Variants in OTUB2 observed in about 807,000 individuals in gnomAD.
The protein encoded by OTUB2 is OTU deubiquitinase, ubiquitin aldehyde binding 2.
Under a neutral mutation model 25.1 loss-of-function variants are expected in OTUB2, and 21 were observed. That is an observed-to-expected ratio of 0.84 (90% CI 0.59 to 1.21). OTUB2 has a LOEUF of 1.21. Among genes scored for constraint, OTUB2 ranks in the 50% most tolerant of loss-of-function variants. The pLI, the probability that OTUB2 is intolerant of heterozygous loss-of-function variation, is 0.00. For synonymous variants in OTUB2, 122 were observed against 122.8 expected (o/e 0.99, Z 0.04); for missense variants, 283 against 298.0 (o/e 0.95, Z 0.37).
rs373771618 is a variant in OTUB2 at position 94,044,573 on chromosome 14, C to T, written c.304-13C>T. On this transcript the variant is annotated splice_polypyrimidine_tract_variant and intron_variant, in intron 4 of 5. Transcript: ENST00000203664. ...TTGCTTGGCCTCCCTAGCTGAGGGC[C>T]GGGCGGGCGCAGTTTTACAGTGTGG... is the stretch of plus-strand genomic sequence containing the variant. 45 of 1,597,744 alleles carry T rather than the reference C, an allele frequency of 2.8e-5. No individual in the cohort carries two copies. The South Asian group carries it at 2.9e-4, about 10-fold the overall frequency.
rs773553255 is a variant in OTUB2, at chr14:94,045,735, C to A, written c.518C>A (p.Thr173Lys). The change falls in exon 6 of 6, where the codon ACG (threonine) becomes AAG (lysine). Residue 173 changes from threonine (T) to lysine (K), a missense_variant. Thr to Lys is a moderately conservative substitution (Grantham distance 78). Coordinates refer to ENST00000203664, the MANE Select transcript of OTUB2 (RefSeq NM_023112.4). Reference sequence around the variant, plus strand: ...CTGCAGGAAGTAGAGCCCATGGCCACGGAGTGTGACCACATCCAGATCACG... The same window carrying A: ...CTGCAGGAAGTAGAGCCCATGGCCAAGGAGTGTGACCACATCCAGATCACG... ...FCTHEVEPMATECDHIQITAL... is the reference protein window; with the variant it reads ...FCTHEVEPMAKECDHIQITAL... 2 of 1,614,062 alleles carry A rather than the reference C, an allele frequency of 1.2e-6. No individual in the cohort carries two copies. The highest frequency in any genetic ancestry group is 1.7e-6 in the Non-Finnish European group (2 of 1,180,042).
chr14:94,031,468 G>A (rs1050632163), intron 1 of OTUB2, among the ~76,000 whole-genome samples: 1 of 152,086 alleles, frequency 6.6e-6, no homozygotes, highest in Non-Finnish European at 1.5e-5. Flanking sequence ...GTGGGGACTC[G>A]TACTTTCCCT....
At chr14:94,038,409 G>A (rs992037309) in intron 2 of OTUB2, among the ~76,000 whole-genome samples, 2 of 152,220 alleles carry the variant, frequency 1.3e-5, no homozygotes, top group African/African-American at 4.8e-5. Context: ...CATGGCTATG[G>A]GGGGAACAGG....
intron 3 of OTUB2, among the ~76,000 whole-genome samples, chr14:94,042,484 G>A (rs1425963780): frequency 1.3e-5 from 2 of 148,406 alleles, no homozygotes; most frequent in Non-Finnish European, 3.0e-5. Flanking sequence ...ATGAGGCAGA[G>A]GTTTGGGGGT....
chr14:94,029,658 G>A (rs536313384), intron 1 of OTUB2, among the ~76,000 whole-genome samples: 1 of 152,306 alleles, frequency 6.6e-6, no homozygotes, highest in South Asian at 2.1e-4. Flanking sequence ...AGGTACCAAG[G>A]ATTAGGTATT....
In OTUB2 at chr14:94,044,066, C is replaced by G. The variant is rs1405514564; in HGVS notation, c.303+11C>G. On this transcript the variant is annotated intron_variant, in intron 4 of 5. Transcript: ENST00000203664. ...AACTTCTTCAATGCTGTGAGTTCAC[C>G]TGGTCCCTCCTTCCACACTGGCAGA... The G allele has an allele frequency of 1.2e-6, 2 of 1,611,756 alleles. No homozygotes were observed. The highest frequency in any genetic ancestry group is 2.7e-5 in the African/African-American group (2 of 74,902).
chr14:94,043,182 G>A (rs759040084), intron 3 of OTUB2, among the ~76,000 whole-genome samples: 3 of 152,234 alleles, frequency 2.0e-5, no homozygotes, highest in Non-Finnish European at 2.9e-5. Flanking sequence ...AGGTGGCCCA[G>A]GCCTCTGTAT....
intron 3 of OTUB2, 97 bp from the exon 4 acceptor site, chr14:94,043,874 T>C (rs1326746346): frequency 9.2e-7 from 1 of 1,084,448 alleles, no homozygotes; most frequent in Non-Finnish European, 1.4e-6. Context: ...AGAGATGAGG[T>C]TGGTGGGCGC....
chr14:94,038,966 C>G lies in OTUB2; in HGVS notation c.103C>G (p.Leu35Val), dbSNP rs777395803. ...NRIYRRKIEE[L>V]SKRFTAIRKT... ...CATTTCTTTCTGTCCCCCTCAGGAA[C>G]TCAGCAAAAGGTTCACCGCCATCCG... is the stretch of plus-strand genomic sequence containing the variant. Residue 35 changes from leucine to valine, a missense_variant, in exon 3 of 6, where the codon CTC becomes GTC. Coordinates refer to ENST00000203664, the MANE Select transcript of OTUB2 (RefSeq NM_023112.4). 7.4e-6 allele frequency: 12 copies of G among 1,614,126 alleles called. 1 individual carries two copies. In the South Asian group the frequency reaches 1.2e-4, roughly 16 times the overall value.
intron 2 of OTUB2, among the ~76,000 whole-genome samples, chr14:94,038,168 A>G (rs1885091972): frequency 6.6e-6 from 1 of 152,246 alleles, no homozygotes; most frequent in South Asian, 2.1e-4. Context: ...AGAGACTCTG[A>G]TAGGTCCAGC....
chr14:94,037,187 G>T (rs1221482675), intron 1 of OTUB2, among the ~76,000 whole-genome samples, 193 bp from the exon 2 acceptor site: 1 of 152,166 alleles, frequency 6.6e-6, no homozygotes, highest in Non-Finnish European at 1.5e-5. Context: ...CCCCGACCCT[G>T]ACTATCCCTG....
At chr14:94,042,172 G>A (rs112301972) in intron 3 of OTUB2, among the ~76,000 whole-genome samples, 28 of 152,350 alleles carry the variant, frequency 1.8e-4, no homozygotes, top group African/African-American at 6.5e-4. Context: ...AACACGCGCC[G>A]CCTCTGAGGG....
At chr14:94,039,776 G>T (rs184701973) in intron 3 of OTUB2, among the ~76,000 whole-genome samples, 1 of 152,296 alleles carries the variant, frequency 6.6e-6, no homozygotes, top group African/African-American at 2.4e-5. Context: ...GGAGCTAAGA[G>T]ACCCACCTGG....
rs1173837019 is a variant in OTUB2, at chr14:94,046,084, G to A, written c.*162G>A. On this transcript the variant is annotated 3_prime_UTR_variant, in exon 6 of 6. Transcript: ENST00000203664. Reference sequence around the variant, plus strand: ...ACGAGGCCTATCCACTATGGACTATGGTAACTTGGTAGGATTTTTAGTATT... The same window carrying A: ...ACGAGGCCTATCCACTATGGACTATAGTAACTTGGTAGGATTTTTAGTATT... 8.4e-6 allele frequency: 6 copies of A among 714,712 alleles called. No homozygotes were observed. The East Asian group carries it at 1.4e-4, about 16-fold the overall frequency. The allele number at this position is 714,712 out of a possible 1,614,324, so 44.3% of individuals were successfully genotyped here. A position where few individuals can be genotyped will look rare whatever the true frequency, so the allele number is the denominator to read the frequency against.
chr14:94,042,131 C>A (rs996253015), intron 3 of OTUB2, among the ~76,000 whole-genome samples: 1 of 152,252 alleles, frequency 6.6e-6, no homozygotes, highest in East Asian at 1.9e-4. Flanking sequence ...TAGAAGTATG[C>A]GAAGTACTTG....
At chr14:94,033,075 C>T (rs1281702330) in intron 1 of OTUB2, among the ~76,000 whole-genome samples, 2 of 152,156 alleles carry the variant, frequency 1.3e-5, no homozygotes, top group East Asian at 1.9e-4. Context: ...CCACACCCGG[C>T]TCATTTTTGT....
At chr14:94,027,066 C>T (rs1348057951) in intron 1 of OTUB2, among the ~76,000 whole-genome samples, 1 of 152,230 alleles carries the variant, frequency 6.6e-6, no homozygotes. Flanking sequence ...GAGTCAGGAC[C>T]CACCTAGAGA....
Position 94,044,594 on chromosome 14 carries a change from TG to T in OTUB2, c.313del (p.Val105TrpfsTer5). ...FRNFFNAFYSVVELVEKDGSV... is the reference protein window; with the variant it reads ...FRNFFNAFYSXVELVEKDGSV... Reference sequence around the variant, plus strand: ...GGGCCGGGCGGGCGCAGTTTTACAGTGTGGTGGAACTGGTAGAGAAGGATGG... The same window carrying T: ...GGGCCGGGCGGGCGCAGTTTTACAGTTGGTGGAACTGGTAGAGAAGGATGG... On this transcript the variant is annotated frameshift_variant, in exon 5 of 6. Transcript: ENST00000203664. LOFTEE classifies it high-confidence loss of function. The T allele has an allele frequency of 6.2e-7, 1 of 1,612,520 alleles. No individual in the cohort carries two copies. Among genetic ancestry groups the T allele is most frequent in the East Asian group, 2.2e-5 (1 of 44,830 alleles).
chr14:94,026,683 T>A, intron 1 of OTUB2, 143 bp downstream of exon 1: 1 of 884,702 alleles, frequency 1.1e-6, no homozygotes, highest in Non-Finnish European at 1.5e-6. Context: ...TCCGACCCCC[T>A]GAAATACGGA....
Sources: allele counts gnomAD v4.1 joint callset (sites outside exome capture counted in the v4.1 genomes callset), GRCh38; gene constraint gnomAD v4.1.1; transcripts MANE v1.5; gene names NCBI Gene and HGNC (gene_info 2026-07-23, HGNC 2026-07-21).